The following NFAT5 variants were observed in gnomAD, a reference collection of about 807,000 sequenced individuals.
NFAT5 encodes nuclear factor of activated T-cells 5.
Under a neutral mutation model 166.5 loss-of-function variants are expected in NFAT5, and 31 were observed. The ratio of observed to expected loss-of-function variants is 0.19; its 90% CI spans 0.14 to 0.25. The LOEUF (loss-of-function observed/expected upper bound fraction) is 0.25. NFAT5 is among the 10% of genes least tolerant of loss of function. The pLI is 1.00. For missense variants in NFAT5, 1,449 were observed against 1,821.8 expected (o/e 0.80, Z 3.72); for synonymous variants, 612 against 639.7 (o/e 0.96, Z 0.65).
intron 2 of NFAT5, among the ~76,000 whole-genome samples, chr16:69,571,384 T>A (rs2016429080): frequency 6.6e-6 from 1 of 152,094 alleles, no homozygotes; most frequent in African/African-American, 2.4e-5. Flanking sequence ...ATGGTTATTA[T>A]TATCCTACTT....
chr16:69,688,400 G>A (rs1296555933), intron 11 of NFAT5, among the ~76,000 whole-genome samples: 1 of 151,854 alleles, frequency 6.6e-6, no homozygotes, highest in East Asian at 1.9e-4. Context: ...ATTTGAGATG[G>A]AGTCTTGCTT....
intron 2 of NFAT5, among the ~76,000 whole-genome samples, chr16:69,612,995 A>G (rs2033774720): frequency 6.6e-6 from 1 of 152,206 alleles, no homozygotes; most frequent in African/African-American, 2.4e-5. Flanking sequence ...GAAGTCCCAT[A>G]GGCATCCAAA....
intron 2 of NFAT5, among the ~76,000 whole-genome samples, chr16:69,571,768 TA>T (rs1441338480): frequency 2.6e-5 from 4 of 151,810 alleles, no homozygotes; most frequent in African/African-American, 9.7e-5. Flanking sequence ...TTATTATTAT[TA>T]TTTTTTTGAG....
chr16:69,655,839 C>T (rs2151637006), intron 6 of NFAT5, 40 bp downstream of exon 6: 1 of 1,475,914 alleles, frequency 6.8e-7, no homozygotes, highest in Non-Finnish European at 9.3e-7. Context: ...ACATTACACT[C>T]TTGTGTTAGG....
intron 9 of NFAT5, among the ~76,000 whole-genome samples, chr16:69,671,133 A>G (rs2036604851): frequency 6.6e-6 from 1 of 152,230 alleles, no homozygotes; most frequent in Non-Finnish European, 1.5e-5. Flanking sequence ...AATAAAATTT[A>G]AAACATATAT....
chr16:69,600,309 C>A (rs574527083), intron 2 of NFAT5, among the ~76,000 whole-genome samples: 1 of 152,038 alleles, frequency 6.6e-6, no homozygotes, highest in East Asian at 1.9e-4. Context: ...GATAACCAAG[C>A]AATTTGAATG....
At chr16:69,603,072 A>C (rs1409471574) in intron 2 of NFAT5, among the ~76,000 whole-genome samples, 2 of 152,154 alleles carry the variant, frequency 1.3e-5, no homozygotes, top group Non-Finnish European at 2.9e-5. Context: ...TTTTAAAGAA[A>C]CATATCAAAT....
intron 2 of NFAT5, among the ~76,000 whole-genome samples, chr16:69,598,408 T>C (rs1012210921): frequency 2.0e-5 from 3 of 151,032 alleles, no homozygotes; most frequent in Non-Finnish European, 1.5e-5. Flanking sequence ...AAAAAGATAT[T>C]TGGGAAAGTG....
intron 2 of NFAT5, among the ~76,000 whole-genome samples, chr16:69,597,611 A>G (rs1363779284): frequency 2.1e-5 from 3 of 144,314 alleles, no homozygotes; most frequent in African/African-American, 7.8e-5. Context: ...TTTTTTTTTG[A>G]GACAGAGTCT....
rs538242262 is a variant in NFAT5 at position 69,567,019 on chromosome 16, C to T, written c.73+645C>T. ...GCCCGATGGAAAGGGCCCGAATTTT[C>T]TTTTCTTTTTTTTTCTCTTCCCACC... On this transcript the variant is annotated intron_variant, in intron 1 of 14. Coordinates refer to ENST00000349945, the MANE Select transcript of NFAT5 (RefSeq NM_138713.4). Among the ~76,000 whole-genome samples the T allele has an allele frequency of 2.0e-4, 30 of 148,772 alleles. No homozygotes were observed. The East Asian group carries it at 5.6e-3, about 28-fold the overall frequency.
chr16:69,627,323 CATAT>C (rs10524659), intron 3 of NFAT5, among the ~76,000 whole-genome samples: 15 of 128,834 alleles, frequency 1.2e-4, no homozygotes, highest in South Asian at 2.6e-4. Context: ...AAAAAGGAAA[CATAT>C]ATATATATAT....
chr16:69,570,721 G>A (rs62052825), intron 2 of NFAT5, among the ~76,000 whole-genome samples: 22 of 152,204 alleles, frequency 1.4e-4, no homozygotes, highest in Non-Finnish European at 2.5e-4. Flanking sequence ...GGAGGCTACC[G>A]CTTCTAGTAT....
chr16:69,695,716 A>C, intron 14 of NFAT5: 2 of 170,218 alleles, frequency 1.2e-5, no homozygotes, highest in East Asian at 1.6e-4. Context: ...CAGACCAAAC[A>C]TCCCTAGTCC....
intron 2 of NFAT5, among the ~76,000 whole-genome samples, chr16:69,607,645 G>A (rs2033485336): frequency 6.6e-6 from 1 of 152,158 alleles, no homozygotes; most frequent in Admixed American, 6.5e-5. Context: ...TGCTTCTAGA[G>A]CATAGCCACT....
chr16:69,574,734 TCTTGG>T (rs2016641678), intron 2 of NFAT5, among the ~76,000 whole-genome samples: 2 of 151,906 alleles, frequency 1.3e-5, no homozygotes, highest in Non-Finnish European at 2.9e-5. Context: ...AGTGGCACAA[TCTTGG>T]CTTATTGCAA....
chr16:69,603,069 G>T (rs991583570), intron 2 of NFAT5, among the ~76,000 whole-genome samples: 1 of 151,844 alleles, frequency 6.6e-6, no homozygotes, highest in African/African-American at 2.4e-5. Context: ...ATTTTTTAAA[G>T]AAACATATCA....
intron 4 of NFAT5, chr16:69,649,505 T>C: frequency 1.0e-6 from 1 of 983,520 alleles, no homozygotes; most frequent in Non-Finnish European, 1.2e-6. Context: ...AGACAGACTC[T>C]TTCATGAAAT....
At chr16:69,612,944 C>T (rs1009466377) in intron 2 of NFAT5, among the ~76,000 whole-genome samples, 4 of 151,844 alleles carry the variant, frequency 2.6e-5, no homozygotes, top group African/African-American at 9.7e-5. Flanking sequence ...TGTTTAGTAA[C>T]ATCAATTGCT....
At chr16:69,607,113 A>T (rs2033452876) in intron 2 of NFAT5, among the ~76,000 whole-genome samples, 1 of 152,196 alleles carries the variant, frequency 6.6e-6, no homozygotes, top group Admixed American at 6.5e-5. Context: ...ACAACTCTAC[A>T]AGGTAGATAG....
Sources: allele counts gnomAD v4.1 joint callset (sites outside exome capture counted in the v4.1 genomes callset), GRCh38; gene constraint gnomAD v4.1.1; transcripts MANE v1.5; gene names NCBI Gene and HGNC (gene_info 2026-07-23, HGNC 2026-07-21).